The following NRXN1 variants were observed in gnomAD, a reference collection of about 807,000 sequenced individuals.
NRXN1 encodes neurexin-1.
Under a neutral mutation model 150.9 loss-of-function variants are expected in NRXN1, and 39 were observed. The ratio of observed to expected loss-of-function variants is 0.26; its 90% CI spans 0.20 to 0.34. The LOEUF (loss-of-function observed/expected upper bound fraction) is 0.34. NRXN1 is among the 10% of genes least tolerant of loss of function. The pLI, the probability that NRXN1 is intolerant of heterozygous loss-of-function variation, is 1.00. For missense variants in NRXN1, 1,815 were observed against 1,949.9 expected, an observed-to-expected ratio of 0.93 and a Z score of 1.30; for synonymous variants, 924 against 757.0, an observed-to-expected ratio of 1.22 and a Z score of -3.62.
At chr2:50,267,883 T>G in intron 17 of NRXN1, among the ~76,000 whole-genome samples, 1 of 148,730 alleles carries the variant, frequency 6.7e-6, no homozygotes, top group South Asian at 2.1e-4. Context: ...TGGAAGTGAT[T>G]AAAAAAAAAA....
intron 18 of NRXN1, among the ~76,000 whole-genome samples, chr2:50,224,715 G>C (rs890285594): frequency 2.3e-4 from 34 of 150,196 alleles, no homozygotes; most frequent in African/African-American, 7.9e-4. Context: ...GAGAGAGAGA[G>C]AGAGAGAGAG....
chr2:50,531,063 A>C (rs2093088559), intron 11 of NRXN1, among the ~76,000 whole-genome samples, 164 bp downstream of exon 11: 1 of 152,248 alleles, frequency 6.6e-6, no homozygotes. Flanking sequence ...AAAATAAAAA[A>C]TAAAAAGATG....
intron 5 of NRXN1, among the ~76,000 whole-genome samples, chr2:50,911,012 A>C (rs1684436808): frequency 6.6e-6 from 1 of 151,984 alleles, no homozygotes; most frequent in Admixed American, 6.6e-5. Context: ...ATCCCTCCTT[A>C]AGAACAGATA....
At chr2:50,781,120 T>C (rs1255862714) in intron 5 of NRXN1, among the ~76,000 whole-genome samples, 1 of 152,196 alleles carries the variant, frequency 6.6e-6, no homozygotes, top group East Asian at 1.9e-4. Context: ...GCTGGTTCCA[T>C]AAACCTCATT....
chr2:50,346,463 C>G lies in NRXN1; in HGVS notation c.3365-109493G>C, dbSNP rs909428256. Among the ~76,000 whole-genome samples the G allele has an allele frequency of 6.6e-6, 1 of 152,036 alleles. No individual in the cohort carries two copies. The highest frequency in any genetic ancestry group is 2.1e-4 in the South Asian group (1 of 4,816). On this transcript the variant is annotated intron_variant, in intron 17 of 22. Transcript: ENST00000401669. The surrounding 1 kb of genome is among the most constrained non-coding windows in gnomAD (Gnocchi z 5.0). ...TGTCCACATCTCTCTCCCAGTACCT[C>G]GACAAGGAACGCCCCTCCCACCCCT...
intron 18 of NRXN1, among the ~76,000 whole-genome samples, chr2:50,194,829 C>A (rs183386872): frequency 7.9e-5 from 12 of 152,254 alleles, no homozygotes; most frequent in Non-Finnish European, 1.5e-5. Context: ...AAAGAGATTT[C>A]TTTGAGTGAT....
Position 50,585,936 on chromosome 2 carries a change from G to C in NRXN1, c.1321-32911C>G, listed in dbSNP as rs140624544. 5.1e-3 allele frequency among the ~76,000 whole-genome samples: 780 copies of C among 152,286 alleles called. 6 individuals are homozygous for C. The highest frequency in any genetic ancestry group is 0.018 in the African/African-American group (729 of 41,552). Reference sequence around the variant, plus strand: ...TGGTCACATCTACTCAGGCATTCTGGTAGGCAACAACCATTTCAAAAAACC... The same window carrying C: ...TGGTCACATCTACTCAGGCATTCTGCTAGGCAACAACCATTTCAAAAAACC... On this transcript the variant is annotated intron_variant, in intron 8 of 22. Transcript: ENST00000401669.
chr2:50,797,424 A>C (rs1269850551), intron 5 of NRXN1, among the ~76,000 whole-genome samples: 3 of 152,122 alleles, frequency 2.0e-5, no homozygotes, highest in Admixed American at 6.6e-5. Context: ...ACTCTACAGC[A>C]TCTAGTGAGT....
chr2:50,177,782 T>TAA (rs1466621237), intron 18 of NRXN1, among the ~76,000 whole-genome samples: 2 of 137,724 alleles, frequency 1.5e-5, no homozygotes, highest in African/African-American at 6.3e-5. Context: ...TAACTCTCTC[T>TAA]CTCTCTCTCT....
chr2:49,922,945 AG>A (rs1410505456), intron 22 of NRXN1, among the ~76,000 whole-genome samples: 1 of 152,216 alleles, frequency 6.6e-6, no homozygotes, highest in Non-Finnish European at 1.5e-5. Context: ...ATTCTTTCTC[AG>A]TTTTAAATAC....
At chr2:50,793,739 TAA>T (rs1474493326) in intron 5 of NRXN1, among the ~76,000 whole-genome samples, 1 of 152,054 alleles carries the variant, frequency 6.6e-6, no homozygotes, top group Non-Finnish European at 1.5e-5. Context: ...GAAGAAAACC[TAA>T]ATTCCTTGGT....
chr2:50,402,594 C>A (rs13032775), intron 17 of NRXN1, among the ~76,000 whole-genome samples: 35,779 of 151,940 alleles, frequency 0.24, 4,532 homozygotes, highest in East Asian at 0.43. Flanking sequence ...CAAGTCAAAC[C>A]TCTTGGTTAG....
intron 5 of NRXN1, among the ~76,000 whole-genome samples, chr2:50,769,133 A>C (rs960433453): frequency 6.6e-6 from 1 of 152,012 alleles, no homozygotes; most frequent in African/African-American, 2.4e-5. Flanking sequence ...CTGGGGGATA[A>C]AGCTATTATT....
chr2:50,763,019 T>C (rs1042293623), intron 5 of NRXN1, among the ~76,000 whole-genome samples: 3 of 151,928 alleles, frequency 2.0e-5, no homozygotes, highest in African/African-American at 7.2e-5. Context: ...TTTTGTTCTT[T>C]AAGACCCTCT....
chr2:50,965,018 T>A (rs186415931), intron 2 of NRXN1, among the ~76,000 whole-genome samples: 1 of 151,406 alleles, frequency 6.6e-6, no homozygotes, highest in African/African-American at 2.4e-5. Context: ...ACACATTAGG[T>A]GCACTTCTCA....
At chr2:50,838,706 G>A (rs554404329) in intron 5 of NRXN1, among the ~76,000 whole-genome samples, 1 of 152,202 alleles carries the variant, frequency 6.6e-6, no homozygotes, top group African/African-American at 2.4e-5. Context: ...GCATCTGCAA[G>A]TGAAAGAACA....
In NRXN1 at chr2:50,535,671, T is replaced by C. The variant is rs148142959; in HGVS notation, c.2143+2582A>G. On this transcript the variant is annotated intron_variant, in intron 10 of 22. Transcript: ENST00000401669. ...TTAACTTTTATTCATTGAACATTATTTCTGTACTACTCCTTCTTATAGGAT... is the reference window on the plus strand; with the variant it reads ...TTAACTTTTATTCATTGAACATTATCTCTGTACTACTCCTTCTTATAGGAT... 3.9e-5 allele frequency among the ~76,000 whole-genome samples: 6 copies of C among 152,320 alleles called. No homozygotes were observed. The East Asian group carries it at 1.2e-3, about 29-fold the overall frequency.
intron 5 of NRXN1, among the ~76,000 whole-genome samples, chr2:50,893,674 T>C (rs1681444268): frequency 6.6e-6 from 1 of 152,200 alleles, no homozygotes; most frequent in Non-Finnish European, 1.5e-5. Context: ...ATTATAGTAA[T>C]GTACAGTCAG....
chr2:50,149,133 T>C (rs1194798549), intron 18 of NRXN1, among the ~76,000 whole-genome samples: 2 of 151,780 alleles, frequency 1.3e-5, no homozygotes, highest in East Asian at 1.9e-4. Flanking sequence ...AGGCTATTTG[T>C]TGTTTATAAA....
Sources: allele counts gnomAD v4.1 joint callset (sites outside exome capture counted in the v4.1 genomes callset), GRCh38; gene constraint gnomAD v4.1.1; non-coding constraint Gnocchi (gnomAD v3.1); transcripts MANE v1.5; gene names NCBI Gene and HGNC (gene_info 2026-07-23, HGNC 2026-07-21).